The following METTL25 variants were observed in gnomAD, a reference collection of about 807,000 sequenced individuals.
The protein encoded by METTL25 is probable methyltransferase-like protein 25.
METTL25 carries 64 observed loss-of-function variants against 71.6 expected under a neutral mutation model. The observed-to-expected ratio is 0.89, with a 90% CI of 0.73 to 1.10. The LOEUF (loss-of-function observed/expected upper bound fraction) is 1.10, where lower values mean the gene tolerates loss of function less well. METTL25 is among the 50% of genes least tolerant of loss of function. METTL25 has a pLI of 0.00. For missense variants in METTL25, 807 were observed against 707.0 expected, an observed-to-expected ratio of 1.14 and a Z score of -1.60; for synonymous variants, 287 against 250.3, an observed-to-expected ratio of 1.15 and a Z score of -1.38.
chr12:82,364,588 G>GT (rs1231626593), intron 1 of METTL25, among the ~76,000 whole-genome samples: 1 of 152,118 alleles, frequency 6.6e-6, no homozygotes, highest in Non-Finnish European at 1.5e-5. Context: ...TACATCTGGG[G>GT]TTTTTTCTTT....
intron 5 of METTL25, among the ~76,000 whole-genome samples, chr12:82,403,773 T>G (rs1886841923): frequency 6.6e-6 from 1 of 152,204 alleles, no homozygotes; most frequent in Non-Finnish European, 1.5e-5. Context: ...TTTTACATGT[T>G]AAATCTTTCC....
chr12:82,457,097 C>G (rs186212918), intron 9 of METTL25, among the ~76,000 whole-genome samples: 28 of 151,920 alleles, frequency 1.8e-4, no homozygotes, highest in Admixed American at 1.6e-3. Flanking sequence ...AGCAGGACAA[C>G]AGTACAAGTG....
intron 3 of METTL25, among the ~76,000 whole-genome samples, chr12:82,391,174 G>A (rs891337393): frequency 2.0e-5 from 3 of 151,982 alleles, no homozygotes; most frequent in African/African-American, 7.2e-5. Flanking sequence ...CCAGTCTTGA[G>A]GGGAAATCTG....
intron 9 of METTL25, among the ~76,000 whole-genome samples, chr12:82,467,939 T>A (rs1892340332): frequency 6.6e-6 from 1 of 152,016 alleles, no homozygotes; most frequent in Non-Finnish European, 1.5e-5. Flanking sequence ...TGCTTGGTGG[T>A]CTTAAGGGTG....
chr12:82,405,965 T>C (rs1887053863), intron 5 of METTL25, among the ~76,000 whole-genome samples: 2 of 152,220 alleles, frequency 1.3e-5, no homozygotes, highest in African/African-American at 4.8e-5. Flanking sequence ...AGAGAGTATG[T>C]TATTGCACTG....
At chr12:82,363,968 A>G (rs1280685610) in intron 1 of METTL25, among the ~76,000 whole-genome samples, 2 of 152,240 alleles carry the variant, frequency 1.3e-5, no homozygotes, top group African/African-American at 4.8e-5. Flanking sequence ...ATTAAAGGAA[A>G]CTATGGTATT....
intron 6 of METTL25, among the ~76,000 whole-genome samples, chr12:82,431,687 C>T (rs540344762): frequency 6.6e-6 from 1 of 151,592 alleles, no homozygotes; most frequent in South Asian, 2.1e-4. Flanking sequence ...ATAATCATTT[C>T]ACTAGATATA....
At chr12:82,426,852 G>T (rs1889067706) in intron 5 of METTL25, among the ~76,000 whole-genome samples, 1 of 151,840 alleles carries the variant, frequency 6.6e-6, no homozygotes. Context: ...CCAGAACTCT[G>T]TTCCCATGGA....
intron 8 of METTL25, among the ~76,000 whole-genome samples, chr12:82,447,747 A>G (rs1890858001): frequency 6.6e-6 from 1 of 152,110 alleles, no homozygotes; most frequent in Non-Finnish European, 1.5e-5. Context: ...TGTTGGGTAC[A>G]AGAGTTTGTT....
At chr12:82,369,146 T>C (rs778119149) in intron 1 of METTL25, among the ~76,000 whole-genome samples, 2 of 152,342 alleles carry the variant, frequency 1.3e-5, no homozygotes, top group Non-Finnish European at 2.9e-5. Context: ...TTCACTCATA[T>C]TGCATCTTCT....
At chr12:82,368,732 C>G (rs1386807757) in intron 1 of METTL25, among the ~76,000 whole-genome samples, 1 of 152,218 alleles carries the variant, frequency 6.6e-6, no homozygotes, top group Non-Finnish European at 1.5e-5. Flanking sequence ...ATTTTATCCT[C>G]AGACCTTATT....
At chr12:82,368,846 A>T (rs1174339205) in intron 1 of METTL25, among the ~76,000 whole-genome samples, 1 of 152,212 alleles carries the variant, frequency 6.6e-6, no homozygotes. Flanking sequence ...TAGATAATAA[A>T]TGATTCAACT....
At chr12:82,418,982 A>G (rs1238393856) in intron 5 of METTL25, among the ~76,000 whole-genome samples, 1 of 152,162 alleles carries the variant, frequency 6.6e-6, no homozygotes, top group East Asian at 1.9e-4. Context: ...TACATCAGTA[A>G]AGGATTTAAA....
chr12:82,425,648 C>T lies in METTL25; in HGVS notation c.1280-5245C>T, dbSNP rs556500919. 9.2e-5 allele frequency among the ~76,000 whole-genome samples: 14 copies of T among 152,070 alleles called. No individual in the cohort carries two copies. The East Asian group carries it at 2.5e-3, about 27-fold the overall frequency. On this transcript the variant is annotated intron_variant, in intron 5 of 11. Transcript: ENST00000248306. ...TGTGTGTTTTAGAAAGATAATATTGCTCTTAGTATAAAGGATGGGCAAAAA... is the reference window on the plus strand; with the variant it reads ...TGTGTGTTTTAGAAAGATAATATTGTTCTTAGTATAAAGGATGGGCAAAAA...
chr12:82,457,993 A>G (rs1354673916), intron 9 of METTL25, among the ~76,000 whole-genome samples: 2 of 152,144 alleles, frequency 1.3e-5, no homozygotes, highest in Non-Finnish European at 2.9e-5. Context: ...TGCATTTAAT[A>G]TCAAGAACAC....
intron 4 of METTL25, among the ~76,000 whole-genome samples, chr12:82,402,185 A>G (rs1478781882): frequency 6.6e-6 from 1 of 152,048 alleles, no homozygotes; most frequent in African/African-American, 2.4e-5. Context: ...TAAAATTTGG[A>G]AAAAATTTTT....
At chr12:82,436,065 G>A (rs1270034894) in intron 7 of METTL25, among the ~76,000 whole-genome samples, 1 of 151,334 alleles carries the variant, frequency 6.6e-6, no homozygotes, top group African/African-American at 2.4e-5. Context: ...CTAGAGGTCT[G>A]GGGGAAAAAA....
At chr12:82,451,920 C>T (rs1891172316) in intron 8 of METTL25, among the ~76,000 whole-genome samples, 1 of 151,984 alleles carries the variant, frequency 6.6e-6, no homozygotes, top group Non-Finnish European at 1.5e-5. Flanking sequence ...AGTGTGACAT[C>T]TTTTCTCTTT....
chr12:82,477,435 C>A, intron 11 of METTL25, 83 bp downstream of exon 11: 1 of 639,054 alleles, frequency 1.6e-6, no homozygotes, highest in South Asian at 2.8e-5. Context: ...GGATAAGAGT[C>A]TTTCACATAA....
Sources: allele counts gnomAD v4.1 joint callset (sites outside exome capture counted in the v4.1 genomes callset), GRCh38; gene constraint gnomAD v4.1.1; transcripts MANE v1.5; gene names NCBI Gene and HGNC (gene_info 2026-07-23, HGNC 2026-07-21).